The following NKTR variants were observed in gnomAD, a reference collection of about 807,000 sequenced individuals.
NKTR encodes the protein natural killer cell triggering receptor.
NKTR carries 67 observed loss-of-function variants against 156.3 expected under a neutral mutation model. That is an observed-to-expected ratio of 0.43 (90% CI 0.35 to 0.53). The LOEUF is 0.53. Among genes scored for constraint, NKTR ranks in the 20% least tolerant of loss-of-function variants. The pLI, the probability that NKTR is intolerant of heterozygous loss-of-function variation, is 0.01. For missense variants in NKTR, 1,604 were observed against 1,730.9 expected, an observed-to-expected ratio of 0.93 and a Z score of 1.30; for synonymous variants, 640 against 596.6, an observed-to-expected ratio of 1.07 and a Z score of -1.06.
chr3:42,639,478 A>G lies in NKTR; in HGVS notation c.3774A>G (p.Lys1258=), dbSNP rs1362817000. ...TGTTGACCACTGTGCCTGAAATGAA[A>G]CCACAAGGCTTGAGAATAGAAATTA... ...VKVLTTVPEM[K]PQGLRIEIKS... The change falls in exon 13 of 17, where the codon AAA becomes AAG. Residue 1258 remains lysine, a synonymous_variant. Coordinates refer to ENST00000232978, the MANE Select transcript of NKTR (RefSeq NM_005385.4). 6.2e-7 allele frequency: 1 copy of G among 1,614,108 alleles called. No individual in the cohort carries two copies. Among genetic ancestry groups the G allele is most frequent in the East Asian group, 2.2e-5 (1 of 44,900 alleles).
intron 8 of NKTR, among the ~76,000 whole-genome samples, chr3:42,632,230 TG>T (rs1385258128): frequency 2.0e-5 from 3 of 151,940 alleles, no homozygotes; most frequent in Non-Finnish European, 2.9e-5. Flanking sequence ...CCACCATGCC[TG>T]GCTAATTTTT....
chr3:42,642,243 T>A (rs1356502790), intron 13 of NKTR, among the ~76,000 whole-genome samples: 2 of 152,200 alleles, frequency 1.3e-5, no homozygotes, highest in Non-Finnish European at 2.9e-5. Flanking sequence ...TTCTCAGTGT[T>A]ATTGGTGTTA....
intron 13 of NKTR, among the ~76,000 whole-genome samples, chr3:42,640,371 A>G (rs1481187890): frequency 6.6e-6 from 1 of 152,236 alleles, no homozygotes; most frequent in Non-Finnish European, 1.5e-5. Context: ...GATAACAGAG[A>G]TGAGAATTAA....
At chr3:42,601,960 CTTGTAG>C (rs1348997772) in intron 2 of NKTR, 3 of 152,112 alleles carry the variant, frequency 2.0e-5, no homozygotes, top group African/African-American at 7.2e-5. Context: ...ATAACAGTGA[CTTGTAG>C]TTGGGATACT....
At chr3:42,621,206 A>T in intron 5 of NKTR, 1 of 1,164,160 alleles carries the variant, frequency 8.6e-7, no homozygotes, top group Non-Finnish European at 1.1e-6. Context: ...TGTGTGAAGT[A>T]TTAAATATAT....
chr3:42,611,416 A>T (rs891303151), intron 2 of NKTR, among the ~76,000 whole-genome samples: 1 of 152,094 alleles, frequency 6.6e-6, no homozygotes, highest in African/African-American at 2.4e-5. Context: ...AAATATTGTT[A>T]GTTCTACTTG....
intron 6 of NKTR, among the ~76,000 whole-genome samples, chr3:42,624,815 G>A (rs1708225914): frequency 6.6e-6 from 1 of 152,052 alleles, no homozygotes; most frequent in Non-Finnish European, 1.5e-5. Context: ...CCCTTTTGCT[G>A]TTACTGATAG....
intron 2 of NKTR, among the ~76,000 whole-genome samples, chr3:42,611,724 C>T (rs575994444): frequency 3.6e-5 from 5 of 138,440 alleles, no homozygotes; most frequent in Non-Finnish European, 7.6e-5. Context: ...CAGAGTGAGA[C>T]TCTGTCTCAA....
chr3:42,643,205 T>C (rs111778636), intron 14 of NKTR, 134 bp from the exon 15 acceptor site: 1 of 712,562 alleles, frequency 1.4e-6, no homozygotes, highest in Middle Eastern at 3.2e-4. Flanking sequence ...ACTTTTGATA[T>C]GAAAACAAAA....
intron 13 of NKTR, among the ~76,000 whole-genome samples, chr3:42,641,716 A>G (rs928866130): frequency 6.6e-6 from 1 of 152,016 alleles, no homozygotes; most frequent in Non-Finnish European, 1.5e-5. Flanking sequence ...TGTCTCTACT[A>G]AAAATACAAA....
chr3:42,616,919 A>G (rs889740347), intron 2 of NKTR, among the ~76,000 whole-genome samples: 8 of 152,014 alleles, frequency 5.3e-5, no homozygotes, highest in African/African-American at 1.9e-4. Context: ...ATCCCCCGCT[A>G]ATTTTTAAAA....
chr3:42,615,709 AAGT>A (rs2125776510), intron 2 of NKTR, among the ~76,000 whole-genome samples: 1 of 152,324 alleles, frequency 6.6e-6, no homozygotes, highest in South Asian at 2.1e-4. Flanking sequence ...GCAAAGATCT[AAGT>A]CTGTTCTGGT....
intron 4 of NKTR, 129 bp from the exon 5 acceptor site, chr3:42,619,535 G>C: frequency 6.6e-7 from 1 of 1,521,844 alleles, no homozygotes; most frequent in Non-Finnish European, 8.8e-7. Flanking sequence ...AGGACTCTGA[G>C]AATTTTGATT....
rs1295702705 is a variant in NKTR at position 42,646,534 on chromosome 3, G to A, written c.*559G>A. 2 of 153,058 alleles carry A rather than the reference G, an allele frequency of 1.3e-5. No individual in the cohort carries two copies. The highest frequency in any genetic ancestry group is 4.8e-5 in the African/African-American group (2 of 41,434). 9.5% of individuals were successfully genotyped at this position (153,058 alleles called of 1,614,324 possible). Reference sequence around the variant, plus strand: ...TCCTAACTTCTTTGATACTTCACAGGATTAGGAAAGTGGTCATCATACATC... The same window carrying A: ...TCCTAACTTCTTTGATACTTCACAGAATTAGGAAAGTGGTCATCATACATC... On this transcript the variant is annotated 3_prime_UTR_variant, in exon 17 of 17. Coordinates refer to ENST00000232978, the MANE Select transcript of NKTR (RefSeq NM_005385.4).
chr3:42,639,160 G>T lies in NKTR; in HGVS notation c.3456G>T (p.Arg1152=). ...AGACTTCCCCTCTAGGAAATGCACG[G>T]CTTGATACCCCAGATATAAACATTG... ...VEETSPLGNA[R]LDTPDINIVL... is the part of the protein sequence containing the mutation. Residue 1152 remains arginine (R), a synonymous_variant, in exon 13 of 17, where the codon CGG becomes CGT. Coordinates refer to ENST00000232978, the MANE Select transcript of NKTR (RefSeq NM_005385.4). 1 of 1,614,146 alleles carries T rather than the reference G, an allele frequency of 6.2e-7. No homozygotes were observed. The highest frequency in any genetic ancestry group is 8.5e-7 in the Non-Finnish European group (1 of 1,180,022).
At position 42,632,640 on chromosome 3, in the gene NKTR, G is replaced by C. The variant is rs751189998; in HGVS notation, c.590G>C (p.Gly197Ala). 7 of 1,613,650 alleles carry C rather than the reference G, an allele frequency of 4.3e-6. No individual in the cohort carries two copies. The East Asian group carries it at 1.6e-4, about 36-fold the overall frequency. Reference protein sequence around the residue: ...KKRKKPTHSEGSDSSSNSSSS... With the variant: ...KKRKKPTHSEASDSSSNSSSS... ...AGGAAGAAACCAACTCATTCAGAAGGCTCGGATTCCTCTTCCAATTCCTCC... is the reference window on the plus strand; with the variant it reads ...AGGAAGAAACCAACTCATTCAGAAGCCTCGGATTCCTCTTCCAATTCCTCC... Residue 197 changes from glycine (G) to alanine (A), a missense_variant, in exon 9 of 17, where the codon GGC becomes GCC. Gly to Ala is a moderately conservative substitution (Grantham distance 60). Transcript: ENST00000232978.
At chr3:42,615,118 G>C (rs190815964) in intron 2 of NKTR, among the ~76,000 whole-genome samples, 1 of 149,910 alleles carries the variant, frequency 6.7e-6, no homozygotes, top group Non-Finnish European at 1.5e-5. Context: ...TTACTGTGTC[G>C]CGCAGGCTGG....
chr3:42,608,544 A>G (rs890728217), intron 2 of NKTR, among the ~76,000 whole-genome samples: 1 of 152,152 alleles, frequency 6.6e-6, no homozygotes, highest in Admixed American at 6.5e-5. Context: ...AGCTCTCTCT[A>G]AACCCTGCCA....
chr3:42,614,432 C>A (rs999618142), intron 2 of NKTR, among the ~76,000 whole-genome samples: 2 of 140,586 alleles, frequency 1.4e-5, no homozygotes, highest in African/African-American at 5.2e-5. Flanking sequence ...ACCACATTGA[C>A]TTTTTTTTTT....
Sources: allele counts gnomAD v4.1 joint callset (sites outside exome capture counted in the v4.1 genomes callset), GRCh38; gene constraint gnomAD v4.1.1; transcripts MANE v1.5; gene names NCBI Gene and HGNC (gene_info 2026-07-23, HGNC 2026-07-21).